The following PLEKHA2 variants were observed in gnomAD, a reference collection of about 807,000 sequenced individuals.
PLEKHA2 encodes pleckstrin homology domain-containing family A member 2.
PLEKHA2 carries 28 observed loss-of-function variants against 53.2 expected under a neutral mutation model. That is an observed-to-expected ratio of 0.53 (90% CI 0.39 to 0.72). The LOEUF (loss-of-function observed/expected upper bound fraction) is 0.72, where lower values mean the gene tolerates loss of function less well. PLEKHA2 is among the 30% of genes least tolerant of loss of function. The pLI, the probability that PLEKHA2 is intolerant of heterozygous loss-of-function variation, is 0.00. For missense variants in PLEKHA2, 426 were observed against 537.9 expected, an observed-to-expected ratio of 0.79 and a Z score of 2.06; for synonymous variants, 193 against 196.4, an observed-to-expected ratio of 0.98 and a Z score of 0.14.
At position 38,972,076 on chromosome 8, in the gene PLEKHA2, T is replaced by C. The variant is rs184937765; in HGVS notation, c.*2293T>C. The C allele has an allele frequency of 4.3e-4, 65 of 152,358 alleles. No individual in the cohort carries two copies. Among genetic ancestry groups the C allele is most frequent in the African/African-American group, 1.5e-3 (61 of 41,590 alleles). 9.4% of individuals were successfully genotyped at this position (152,358 alleles called of 1,614,324 possible). A position where few individuals can be genotyped will look rare whatever the true frequency, so the allele number is the denominator to read the frequency against. On this transcript the variant is annotated 3_prime_UTR_variant, in exon 12 of 12. Transcript: ENST00000617275. ...TTAAACATACATAGAATCCATATGG[T>C]ATTATCCTGATAAAGGGAAACGAGG...
intron 2 of PLEKHA2, among the ~76,000 whole-genome samples, chr8:38,927,027 G>A (rs535791134): frequency 2.0e-5 from 3 of 152,324 alleles, no homozygotes; most frequent in African/African-American, 7.2e-5. Context: ...TAAACAGATA[G>A]AAGCTATGAA....
Position 38,946,130 on chromosome 8 carries a change from A to T in PLEKHA2, c.254A>T (p.Asn85Ile). ...KPKTPFCFVINALSQRYFLQA... is the reference protein window; with the variant it reads ...KPKTPFCFVIIALSQRYFLQA... ...TTTTCTGTGGCTTTTGTAGTTATCAATGCCCTGTCTCAGAGATATTTCCTT... is the reference window on the plus strand; with the variant it reads ...TTTTCTGTGGCTTTTGTAGTTATCATTGCCCTGTCTCAGAGATATTTCCTT... Residue 85 changes from asparagine (N) to isoleucine (I), a missense_variant, in exon 5 of 12, where the codon AAT becomes ATT. By Grantham distance (149) the Asn-to-Ile change is moderately radical. Transcript: ENST00000617275. 1.9e-6 allele frequency: 3 copies of T among 1,604,742 alleles called. No individual in the cohort carries two copies.
intron 10 of PLEKHA2, among the ~76,000 whole-genome samples, chr8:38,967,749 C>T (rs1204103753): frequency 2.0e-5 from 3 of 150,374 alleles, no homozygotes; most frequent in Non-Finnish European, 3.0e-5. Context: ...GCAACCTCTG[C>T]CTCCTGGGTT....
intron 4 of PLEKHA2, 73 bp from the exon 5 acceptor site, chr8:38,946,051 T>A: frequency 8.0e-7 from 1 of 1,242,450 alleles, no homozygotes; most frequent in Non-Finnish European, 1.2e-6. Context: ...ACACCTTAGC[T>A]TTGTGGAGAC....
intron 2 of PLEKHA2, among the ~76,000 whole-genome samples, chr8:38,920,157 TG>T (rs1301614195): frequency 6.6e-6 from 1 of 151,692 alleles, no homozygotes; most frequent in Non-Finnish European, 1.5e-5. Flanking sequence ...ATTTATTTAT[TG>T]ATTTAGTTTT....
intron 1 of PLEKHA2, among the ~76,000 whole-genome samples, chr8:38,905,593 A>G (rs1833858900): frequency 6.6e-6 from 1 of 151,682 alleles, no homozygotes; most frequent in African/African-American, 2.4e-5. Context: ...GAGCTAGGCC[A>G]TTTACGCTCC....
chr8:38,922,790 C>A lies in PLEKHA2; in HGVS notation c.141+4720C>A, dbSNP rs1215483852. On this transcript the variant is annotated intron_variant, in intron 2 of 11. Coordinates refer to ENST00000617275, the MANE Select transcript of PLEKHA2 (RefSeq NM_021623.2). This position sits in a 1 kb window ranked among gnomAD's most constrained non-coding sequence, Gnocchi z 4.0. ...CCAGCTATGGTGTGAAATGCTTTTA[C>A]ATGTGTTACCCCATGGAACCTCTCC... is the stretch of plus-strand genomic sequence containing the variant. Among the ~76,000 whole-genome samples, 1 of 152,188 alleles carries A rather than the reference C, an allele frequency of 6.6e-6. No individual in the cohort carries two copies. The highest frequency in any genetic ancestry group is 1.5e-5 in the Non-Finnish European group (1 of 68,040).
intron 1 of PLEKHA2, among the ~76,000 whole-genome samples, chr8:38,914,985 C>T (rs1344794282): frequency 6.6e-6 from 1 of 152,094 alleles, no homozygotes; most frequent in Non-Finnish European, 1.5e-5. Context: ...CTCACTCTGT[C>T]GTCCAGGCTA....
At chr8:38,946,935 A>T (rs986041103) in intron 5 of PLEKHA2, among the ~76,000 whole-genome samples, 1 of 152,210 alleles carries the variant, frequency 6.6e-6, no homozygotes, top group Non-Finnish European at 1.5e-5. Context: ...TGTATCATAC[A>T]GTCAGAAATG....
chr8:38,949,225 CT>C (rs201063067), intron 5 of PLEKHA2, among the ~76,000 whole-genome samples: 299 of 145,244 alleles, frequency 2.1e-3, no homozygotes, highest in East Asian at 6.3e-3. Flanking sequence ...TTCTGGACCT[CT>C]TTTTTTTTTT....
chr8:38,914,063 G>A (rs7386365), intron 1 of PLEKHA2, among the ~76,000 whole-genome samples: 124,561 of 152,128 alleles, frequency 0.82, 51,035 homozygotes, highest in African/African-American at 0.84. Flanking sequence ...GTCCATGGTT[G>A]ATCCTTCTCA....
At position 38,933,323 on chromosome 8, in the gene PLEKHA2, T is replaced by C. The variant is rs551454363; in HGVS notation, c.142-2671T>C. Among the ~76,000 whole-genome samples the C allele has an allele frequency of 5.3e-5, 8 of 152,240 alleles. No homozygotes were observed. The East Asian group carries it at 1.5e-3, about 29-fold the overall frequency. ...CTCCCCACCACCCTATGAAACAGGG[T>C]TTAGCATCTCTGTTTTATAGGTAAA... On this transcript the variant is annotated intron_variant, in intron 2 of 11. Coordinates refer to ENST00000617275, the MANE Select transcript of PLEKHA2 (RefSeq NM_021623.2).
rs116250046 is a variant in PLEKHA2, at chr8:38,902,682, C to T, written c.-24+1237C>T. 1.8e-3 allele frequency among the ~76,000 whole-genome samples: 281 copies of T among 152,344 alleles called. 2 individuals carry two copies. Among genetic ancestry groups the T allele is most frequent in the African/African-American group, 6.4e-3 (268 of 41,578 alleles). The stretch of plus-strand genomic sequence containing the variant: ...TCTTTGGTTGCGAAGCCTTCCGAAA[C>T]AGCAAAGCAAAAGATCTTGAAAGAA... On this transcript the variant is annotated intron_variant, in intron 1 of 11. Coordinates refer to ENST00000617275, the MANE Select transcript of PLEKHA2 (RefSeq NM_021623.2).
At chr8:38,920,414 A>G (rs1323124090) in intron 2 of PLEKHA2, among the ~76,000 whole-genome samples, 1 of 152,012 alleles carries the variant, frequency 6.6e-6, no homozygotes, top group Non-Finnish European at 1.5e-5. Context: ...TTGGCCTCCC[A>G]AAGTGCTGGG....
chr8:38,909,142 C>CA (rs199814127), intron 1 of PLEKHA2, among the ~76,000 whole-genome samples: 261 of 124,532 alleles, frequency 2.1e-3, no homozygotes, highest in Admixed American at 3.8e-3. Flanking sequence ...GACTCTGTCT[C>CA]AAAAAAAAAA....
Position 38,973,895 on chromosome 8 carries a change from C to G in PLEKHA2, c.*4112C>G, listed in dbSNP as rs923552878. ...TTTTGTGGCTTGTTTTGTAATAAAACCATGTGAAATACTGAAATATGGTCA... is the reference window on the plus strand; with the variant it reads ...TTTTGTGGCTTGTTTTGTAATAAAAGCATGTGAAATACTGAAATATGGTCA... On this transcript the variant is annotated 3_prime_UTR_variant, in exon 12 of 12. Coordinates refer to ENST00000617275, the MANE Select transcript of PLEKHA2 (RefSeq NM_021623.2). 7.0e-6 allele frequency: 2 copies of G among 285,948 alleles called. No homozygotes were observed. Among genetic ancestry groups the G allele is most frequent in the African/African-American group, 4.5e-5 (2 of 44,204 alleles). 17.7% of individuals were successfully genotyped at this position (285,948 alleles called of 1,614,324 possible). A position where few individuals can be genotyped will look rare whatever the true frequency, so the allele number is the denominator to read the frequency against.
chr8:38,912,995 G>A (rs1465291115), intron 1 of PLEKHA2, among the ~76,000 whole-genome samples: 2 of 152,154 alleles, frequency 1.3e-5, no homozygotes, highest in East Asian at 1.9e-4. Context: ...CTCTCCCACC[G>A]TGAGGCCCCT....
rs1246602908 is a variant in PLEKHA2 at position 38,969,784 on chromosome 8, T to G, written c.*1T>G. 1.1e-6 allele frequency: 1 copy of G among 926,434 alleles called. No homozygotes were observed. Among genetic ancestry groups the G allele is most frequent in the Non-Finnish European group, 1.5e-6 (1 of 653,008 alleles). 57.4% of individuals were successfully genotyped at this position (926,434 alleles called of 1,614,324 possible). ...AAACATACGGACCTCTGATGTGTGA[T>G]GGAGCACAGTGCCATGGGAGGGAGG... On this transcript the variant is annotated 3_prime_UTR_variant, in exon 12 of 12. Transcript: ENST00000617275.
At chr8:38,907,139 C>G (rs1374321613) in intron 1 of PLEKHA2, among the ~76,000 whole-genome samples, 1 of 152,156 alleles carries the variant, frequency 6.6e-6, no homozygotes, top group East Asian at 1.9e-4. Context: ...CAAAAAGCAC[C>G]TTTTGAATAT....
Sources: allele counts gnomAD v4.1 joint callset (sites outside exome capture counted in the v4.1 genomes callset), GRCh38; gene constraint gnomAD v4.1.1; non-coding constraint Gnocchi (gnomAD v3.1); transcripts MANE v1.5; gene names NCBI Gene and HGNC (gene_info 2026-07-23, HGNC 2026-07-21).